The following CRACD variants were observed in gnomAD, a reference collection of about 807,000 sequenced individuals.
The protein encoded by CRACD is capping protein inhibiting regulator of actin dynamics, also known as capping protein-inhibiting regulator of actin dynamics.
Under a neutral mutation model 106.8 loss-of-function variants are expected in CRACD, and 56 were observed. The observed-to-expected ratio is 0.52, with a 90% CI of 0.42 to 0.66. The LOEUF (loss-of-function observed/expected upper bound fraction) is 0.66. Ranked by LOEUF, CRACD falls within the 30% of genes least tolerant of loss-of-function variation. CRACD has a pLI of 0.00. For missense variants in CRACD, 1,730 were observed against 1,623.2 expected (o/e 1.07, Z -1.13); for synonymous variants, 754 against 670.8 (o/e 1.12, Z -1.92).
At chr4:56,171,153 C>G (rs932040964) in intron 1 of CRACD, among the ~76,000 whole-genome samples, 3 of 151,920 alleles carry the variant, frequency 2.0e-5, no homozygotes, top group African/African-American at 7.3e-5. Context: ...CTTAGAAAGA[C>G]CATGATCATT....
intron 2 of CRACD, among the ~76,000 whole-genome samples, chr4:56,179,820 C>G (rs1292674592): frequency 6.6e-6 from 1 of 151,958 alleles, no homozygotes; most frequent in East Asian, 1.9e-4. Flanking sequence ...GAGTTCGAGA[C>G]CAGGCTGGCT....
At chr4:56,089,975 C>T (rs748206495) in intron 1 of CRACD, among the ~76,000 whole-genome samples, 3 of 151,782 alleles carry the variant, frequency 2.0e-5, no homozygotes, top group Non-Finnish European at 4.4e-5. Context: ...ATAGTTTCAC[C>T]TTAAAATTTC....
rs756732878 is a variant in CRACD at position 56,314,747 on chromosome 4, G to A, written c.1245G>A (p.Trp415Ter). ...AGGGCCAGGCGCACCTGGAGGACTG[G>A]AGGGGGCAGCTCAGTGAGCTTCTGA... ...EEEGQAHLED[W>*]RGQLSELLND... Residue 415 changes from tryptophan (W) to a stop codon, truncating the protein, a stop_gained, in exon 8 of 11, where the codon TGG becomes TGA. Transcript: ENST00000682029. LOFTEE classifies it high-confidence loss of function. The surrounding 1 kb of genome is among the most constrained non-coding windows in gnomAD (Gnocchi z 4.4). The A allele has an allele frequency of 1.9e-6, 3 of 1,585,302 alleles. No individual in the cohort carries two copies. Among genetic ancestry groups the A allele is most frequent in the African/African-American group, 1.3e-5 (1 of 74,716 alleles).
intron 2 of CRACD, among the ~76,000 whole-genome samples, chr4:56,207,471 C>A (rs950831203): frequency 2.0e-5 from 3 of 152,016 alleles, no homozygotes; most frequent in Admixed American, 6.6e-5. Flanking sequence ...GGGGAGTGGA[C>A]CAGTATTCTT....
chr4:56,239,048 T>C (rs1740187289), intron 2 of CRACD, among the ~76,000 whole-genome samples: 1 of 152,154 alleles, frequency 6.6e-6, no homozygotes, highest in South Asian at 2.1e-4. Context: ...ATCCCAGCAC[T>C]TTGGGAGGCC....
chr4:56,327,550 GATAA>G (rs1183435908), intron 10 of CRACD, 90 bp from the exon 11 acceptor site: 1 of 1,112,168 alleles, frequency 9.0e-7, no homozygotes, highest in African/African-American at 1.6e-5. Flanking sequence ...AGTTTGTCAT[GATAA>G]ATACATAGTT....
intron 1 of CRACD, among the ~76,000 whole-genome samples, chr4:56,050,338 G>T (rs1428837587): frequency 6.6e-6 from 1 of 151,226 alleles, no homozygotes; most frequent in Non-Finnish European, 1.5e-5. Context: ...AAGTGGTGGT[G>T]GTGGAGAGGG....
intron 3 of CRACD, among the ~76,000 whole-genome samples, chr4:56,295,139 A>G (rs1743935647): frequency 6.6e-6 from 1 of 152,050 alleles, no homozygotes; most frequent in Non-Finnish European, 1.5e-5. Context: ...AGTGGAACAG[A>G]GGCCAGAAAA....
intron 1 of CRACD, among the ~76,000 whole-genome samples, chr4:56,167,863 C>T (rs1736208697): frequency 6.6e-6 from 1 of 152,148 alleles, no homozygotes; most frequent in African/African-American, 2.4e-5. Context: ...ATGGATGAAC[C>T]TTGAGGAAAT....
chr4:56,176,741 C>A (rs1736601478), intron 1 of CRACD, among the ~76,000 whole-genome samples: 1 of 152,062 alleles, frequency 6.6e-6, no homozygotes, highest in South Asian at 2.1e-4. Flanking sequence ...GGAGCAATTT[C>A]TTTCATTGGT....
At chr4:56,312,230 A>C (rs1577897256) in intron 6 of CRACD, among the ~76,000 whole-genome samples, 2 of 152,266 alleles carry the variant, frequency 1.3e-5, no homozygotes, top group South Asian at 4.1e-4. Flanking sequence ...TAGCGATCTC[A>C]GCTCACTGCA....
chr4:56,116,764 G>A (rs1217454587), intron 1 of CRACD, among the ~76,000 whole-genome samples: 2 of 149,962 alleles, frequency 1.3e-5, no homozygotes, highest in African/African-American at 2.5e-5. Context: ...GCTGGAGTGC[G>A]TGGCACGATC....
chr4:56,173,221 T>C (rs1219705565), intron 1 of CRACD, among the ~76,000 whole-genome samples: 1 of 152,238 alleles, frequency 6.6e-6, no homozygotes, highest in Non-Finnish European at 1.5e-5. Context: ...TGACTATACA[T>C]GCTCTGAGTT....
At chr4:56,186,319 G>A (rs1226188236) in intron 2 of CRACD, among the ~76,000 whole-genome samples, 1 of 152,180 alleles carries the variant, frequency 6.6e-6, no homozygotes, top group East Asian at 1.9e-4. Flanking sequence ...CTTCCTGGGA[G>A]TGTAGTGTTT....
At position 56,314,495 on chromosome 4, in the gene CRACD, G is replaced by C. The variant is rs775297408; in HGVS notation, c.993G>C (p.Glu331Asp). 1.3e-6 allele frequency: 2 copies of C among 1,521,630 alleles called. No homozygotes were observed. The highest frequency in any genetic ancestry group is 4.9e-5 in the East Asian group (2 of 40,710). The allele number at this position is 1,521,630 out of a possible 1,614,324, so 94.3% of individuals were successfully genotyped here. ...TGCAGGCCCAGGCCCAAGCGGAGGA[G>C]AGGCGGCGGCTGGAGGAGGACGCCA... ...RRLQAQAQAEERRRLEEDARL... is the reference protein window; with the variant it reads ...RRLQAQAQAEDRRRLEEDARL... Residue 331 changes from glutamate (E) to aspartate (D), a missense_variant, in exon 8 of 11, where the codon GAG (glutamate) becomes GAC (aspartate). Glu to Asp is a conservative substitution (Grantham distance 45). Coordinates refer to ENST00000682029, the MANE Select transcript of CRACD (RefSeq NM_001393381.1). The surrounding 1 kb of genome is among the most constrained non-coding windows in gnomAD (Gnocchi z 4.4).
intron 2 of CRACD, among the ~76,000 whole-genome samples, chr4:56,199,527 C>G (rs1397240063): frequency 1.3e-5 from 2 of 151,638 alleles, no homozygotes; most frequent in African/African-American, 4.8e-5. Flanking sequence ...ACTAAAAATA[C>G]AAAAATTAGC....
intron 1 of CRACD, among the ~76,000 whole-genome samples, chr4:56,177,931 A>AT (rs1202402776): frequency 2.0e-5 from 3 of 151,740 alleles, no homozygotes; most frequent in Non-Finnish European, 2.9e-5. Context: ...GATTTGTCAA[A>AT]TTTTTTTATC....
At chr4:56,297,400 G>C (rs1201370050) in intron 3 of CRACD, among the ~76,000 whole-genome samples, 1 of 152,064 alleles carries the variant, frequency 6.6e-6, no homozygotes, top group Non-Finnish European at 1.5e-5. Flanking sequence ...AAACCAGCCT[G>C]GGTAACATAG....
Position 56,315,457 on chromosome 4 carries a change from C to T in CRACD, c.1955C>T (p.Ala652Val), listed in dbSNP as rs776522422. The T allele has an allele frequency of 6.2e-7, 1 of 1,613,052 alleles. No individual in the cohort carries two copies. The highest frequency in any genetic ancestry group is 1.3e-5 in the African/African-American group (1 of 75,054). The change falls in exon 8 of 11, where the codon GCT becomes GTT. Residue 652 changes from alanine to valine, a missense_variant. Around this residue, in one of 5 missense-constraint regions of CRACD, gnomAD observed 1,620 missense variants for 1,481.6 expected, o/e 1.09. Transcript: ENST00000682029. The surrounding 1 kb of genome is among the most constrained non-coding windows in gnomAD (Gnocchi z 4.1). ...GACGCGAGGGCGGGCAGCGGGAAGG[C>T]TAAGCCCCGCCAGGAGTCTCCCAGC... ...PGDARAGSGK[A>V]KPRQESPSSA...
Sources: gnomAD v4.1 joint callset for allele counts (sites outside exome capture counted in the v4.1 genomes callset) on GRCh38, gnomAD v4.1.1 for gene constraint, gnomAD v4.1.1 regional missense constraint, Gnocchi (gnomAD v3.1) non-coding constraint, MANE v1.5 for transcripts, NCBI Gene and HGNC (gene_info 2026-07-23, HGNC 2026-07-21) for gene names.